USH2A: variants seen among roughly 807,000 people sequenced by gnomAD.
USH2A encodes usherin.
In USH2A, 443 loss-of-function variants were observed where a neutral mutation model predicts 538.9. That is an observed-to-expected ratio of 0.82 (90% CI 0.76 to 0.89). The LOEUF is 0.89. Ranked by LOEUF, USH2A falls within the 40% of genes least tolerant of loss-of-function variation. The probability of loss-of-function intolerance (pLI) is 0.00; values close to 1 mark genes in which losing one functional copy is unlikely to be tolerated. For missense variants in USH2A, 6,633 were observed against 6,324.8 expected (o/e 1.05, Z -1.65); for synonymous variants, 2,413 against 2,273.5 (o/e 1.06, Z -1.75).
intron 60 of USH2A, among the ~76,000 whole-genome samples, chr1:215,732,009 T>C (rs897495156): frequency 6.6e-6 from 1 of 152,218 alleles, no homozygotes; most frequent in Non-Finnish European, 1.5e-5. Flanking sequence ...AACAAACCTC[T>C]GAAAATTCTT....
intron 21 of USH2A, among the ~76,000 whole-genome samples, chr1:216,161,753 AT>A (rs1033006498): frequency 6.6e-6 from 1 of 151,954 alleles, no homozygotes; most frequent in Non-Finnish European, 1.5e-5. Context: ...TTATTTTATC[AT>A]TTTTGATGGA....
chr1:216,241,912 GTCT>G (rs1479790556), intron 13 of USH2A, among the ~76,000 whole-genome samples: 1 of 152,114 alleles, frequency 6.6e-6, no homozygotes, highest in Admixed American at 6.6e-5. Context: ...ATTGCAAATT[GTCT>G]TCTTTTCTTT....
intron 15 of USH2A, among the ~76,000 whole-genome samples, chr1:216,210,050 G>T (rs1228041195): frequency 6.6e-6 from 1 of 152,098 alleles, no homozygotes; most frequent in Non-Finnish European, 1.5e-5. Context: ...TTTAGAAGGA[G>T]TCCTGCCCCA....
chr1:216,215,239 C>CA (rs1466797681), intron 15 of USH2A, among the ~76,000 whole-genome samples: 2 of 152,076 alleles, frequency 1.3e-5, no homozygotes, highest in Non-Finnish European at 2.9e-5. Flanking sequence ...CTGCAGTTCC[C>CA]AAACTGTGTA....
Position 216,078,258 on chromosome 1 carries a change from ATTCCACT to A in USH2A, c.5396_5402del (p.Lys1799IlefsTer16). 6.2e-7 allele frequency: 1 copy of A among 1,613,868 alleles called. No homozygotes were observed. Among genetic ancestry groups the A allele is most frequent in the Non-Finnish European group, 8.5e-7 (1 of 1,179,784 alleles). ...AGCCTTCCTTTTTAATAATGACTTTATTCCACTTTCCATTACAATAGGATAGCCCCAG... is the reference window on the plus strand; with the variant it reads ...AGCCTTCCTTTTTAATAATGACTTTATTCCATTACAATAGGATAGCCCCAG... On this transcript the variant is annotated frameshift_variant, in exon 27 of 72. Coordinates refer to ENST00000307340, the MANE Select transcript of USH2A (RefSeq NM_206933.4). LOFTEE classifies it high-confidence loss of function.
intron 9 of USH2A, among the ~76,000 whole-genome samples, chr1:216,293,854 T>G (rs2037053052): frequency 6.6e-6 from 1 of 152,200 alleles, no homozygotes; most frequent in Admixed American, 6.5e-5. Flanking sequence ...ATCTGTTATT[T>G]TATGTGGTAA....
chr1:215,998,194 A>G (rs1160940460), intron 34 of USH2A, among the ~76,000 whole-genome samples: 1 of 152,120 alleles, frequency 6.6e-6, no homozygotes, highest in African/African-American at 2.4e-5. Context: ...TCATGTTTAT[A>G]TTCAGTTATT....
In USH2A at chr1:216,046,445, T is replaced by C; in HGVS notation, c.6311A>G (p.Asn2104Ser). The C allele has an allele frequency of 6.2e-7, 1 of 1,613,188 alleles. No individual in the cohort carries two copies. Among genetic ancestry groups the C allele is most frequent in the Non-Finnish European group, 8.5e-7 (1 of 1,179,518 alleles). Residue 2104 changes from asparagine to serine, a missense_variant, in exon 32 of 72, where the codon AAC (asparagine) becomes AGC (serine). Asn to Ser is a conservative substitution (Grantham distance 46). Transcript: ENST00000307340. ...AGAGGTCTTACCTGTGACTATGTAG[T>C]TCTCCTCACTGCCTGAATAGATCAG... is the stretch of plus-strand genomic sequence containing the variant. ...GRLIYSGSEE[N>S]YIVTDLAVFT...
At chr1:215,780,128 GT>G in intron 54 of USH2A, 87 bp from the exon 55 acceptor site, 1 of 1,469,274 alleles carries the variant, frequency 6.8e-7, no homozygotes, top group East Asian at 2.3e-5. Flanking sequence ...GTTTTAAAAT[GT>G]TGTCTGGCCT....
Position 215,624,937 on chromosome 1 carries a change from A to G in USH2A, c.*844T>C, listed in dbSNP as rs1021531994. The G allele has an allele frequency of 6.6e-6, 1 of 152,190 alleles. No individual in the cohort carries two copies. The highest frequency in any genetic ancestry group is 1.5e-5 in the Non-Finnish European group (1 of 68,010). 9.4% of individuals were successfully genotyped at this position (152,190 alleles called of 1,614,324 possible). On this transcript the variant is annotated 3_prime_UTR_variant, in exon 72 of 72. Coordinates refer to ENST00000307340, the MANE Select transcript of USH2A (RefSeq NM_206933.4). ...AATGTGCTAGGTTGAAGATGTCAGT[A>G]TTCTCTGATATTCAGTGAATTGACA...
rs376372044 is a variant in USH2A, at chr1:216,355,412, T to C, written c.784+9541A>G. On this transcript the variant is annotated intron_variant, in intron 4 of 71. Coordinates refer to ENST00000307340, the MANE Select transcript of USH2A (RefSeq NM_206933.4). ...CATATAGTATACAAGAAAACATTTA[T>C]ATAAATAGTGGCTGATATCTCACCA... 1.5e-4 allele frequency among the ~76,000 whole-genome samples: 23 copies of C among 150,304 alleles called. No individual in the cohort carries two copies. The East Asian group carries it at 4.3e-3, about 28-fold the overall frequency.
intron 21 of USH2A, among the ~76,000 whole-genome samples, chr1:216,167,157 AT>A (rs2034187166): frequency 6.6e-6 from 1 of 151,800 alleles, no homozygotes; most frequent in Non-Finnish European, 1.5e-5. Flanking sequence ...ATTACTTAAC[AT>A]TTCCCCCACT....
In USH2A at chr1:216,037,735, G is replaced by A. The variant is rs573330091; in HGVS notation, c.6325+8696C>T. Among the ~76,000 whole-genome samples, 3 of 151,590 alleles carry A rather than the reference G, an allele frequency of 2.0e-5. No homozygotes were observed. In the East Asian group the frequency reaches 5.8e-4, roughly 29 times the overall value. On this transcript the variant is annotated intron_variant, in intron 32 of 71. Transcript: ENST00000307340. ...GGTACAAGGGCAGGCTTGTTACATA[G>A]GTAACCTTGTGTCATGGGGGTTTGG... is the stretch of plus-strand genomic sequence containing the variant.
At chr1:216,295,883 AAC>A (rs59445776) in intron 9 of USH2A, among the ~76,000 whole-genome samples, 2,598 of 152,176 alleles carry the variant, frequency 0.017, 66 homozygotes, top group African/African-American at 0.056. Context: ...AATAAATAGT[AAC>A]ACATATTTAG....
intron 61 of USH2A, among the ~76,000 whole-genome samples, chr1:215,704,974 G>A (rs1659143781): frequency 6.6e-6 from 1 of 152,102 alleles, no homozygotes; most frequent in Non-Finnish European, 1.5e-5. Context: ...GGCACCATAT[G>A]GGTGCTCTAT....
rs1662735855 is a variant in USH2A, at chr1:215,812,900, CATACTT to C, written c.9739+830_9739+835del. ...CAAAAGAGCATAGATTTAGGAGAGA[CATACTT>C]ATATTCACATTTTAGTTCTTTCACT... On this transcript the variant is annotated intron_variant, in intron 49 of 71. Transcript: ENST00000307340. Among the ~76,000 whole-genome samples the C allele has an allele frequency of 2.6e-5, 4 of 152,274 alleles. No individual in the cohort carries two copies. The South Asian group carries it at 6.2e-4, about 24-fold the overall frequency.
chr1:215,703,548 C>A (rs543921954), intron 61 of USH2A, among the ~76,000 whole-genome samples: 10 of 152,280 alleles, frequency 6.6e-5, no homozygotes, highest in South Asian at 2.1e-4. Context: ...CTGGCTACAG[C>A]GGCTTTGCGG....
intron 21 of USH2A, 191 bp downstream of exon 21, chr1:216,175,061 T>G: frequency 7.0e-7 from 1 of 1,429,616 alleles, no homozygotes. Context: ...TTTCCTTCAC[T>G]TACCTGACTT....
intron 49 of USH2A, among the ~76,000 whole-genome samples, chr1:215,799,773 G>A (rs1662266340): frequency 6.6e-6 from 1 of 152,044 alleles, no homozygotes; most frequent in Non-Finnish European, 1.5e-5. Flanking sequence ...ATAACTTGAG[G>A]CCAGGAGTTC....
Sources: gnomAD v4.1 joint callset for allele counts (sites outside exome capture counted in the v4.1 genomes callset) on GRCh38, gnomAD v4.1.1 for gene constraint, MANE v1.5 for transcripts, NCBI Gene and HGNC (gene_info 2026-07-23, HGNC 2026-07-21) for gene names.